Variants in NAT1 observed in about 807,000 individuals in gnomAD.
NAT1 encodes the protein arylamine N-acetyltransferase 1.
For missense variants in NAT1, 400 were observed against 339.2 expected (o/e 1.18, Z -1.41); for synonymous variants, 144 against 122.6 (o/e 1.17, Z -1.16).
At chr8:18,221,938 T>G in intron 2 of NAT1, 104 bp from the exon 3 acceptor site, 1 of 1,202,712 alleles carries the variant, frequency 8.3e-7, no homozygotes, top group Non-Finnish European at 1.2e-6. Context: ...ATTATACTTA[T>G]AACCATTGTA....
intron 2 of NAT1, among the ~76,000 whole-genome samples, chr8:18,202,567 T>C (rs1459051300): frequency 1.3e-5 from 2 of 152,158 alleles, no homozygotes. Flanking sequence ...CTGGAGTTTC[T>C]TCCTTCCAGT....
chr8:18,183,226 T>G (rs1048362524), intron 2 of NAT1, among the ~76,000 whole-genome samples: 7 of 152,138 alleles, frequency 4.6e-5, no homozygotes, highest in African/African-American at 1.7e-4. Flanking sequence ...AATCCATTCA[T>G]AAGTGCTCTG....
chr8:18,222,469 AG>A lies in NAT1; in HGVS notation c.424del (p.Asp142IlefsTer11). On this transcript the variant is annotated frameshift_variant, in exon 3 of 3. Transcript: ENST00000307719. LOFTEE classifies it low-confidence loss of function (END_TRUNC). ...MWQPLELISG[K>X]DQPQVPCVFR... The stretch of plus-strand genomic sequence containing the variant: ...CAGCCTCTGGAGTTAATTTCTGGGA[AG>A]GATCAGCCTCAGGTGCCTTGTGTCT... The A allele has an allele frequency of 6.2e-7, 1 of 1,614,114 alleles. No individual in the cohort carries two copies. Among genetic ancestry groups the A allele is most frequent in the Non-Finnish European group, 8.5e-7 (1 of 1,180,022 alleles).
chr8:18,178,824 T>C (rs1802391899), intron 2 of NAT1, among the ~76,000 whole-genome samples: 2 of 151,964 alleles, frequency 1.3e-5, no homozygotes, highest in South Asian at 4.2e-4. Context: ...CTCCATTCAG[T>C]TTCCTCTCTG....
At chr8:18,200,369 A>C (rs1265526174) in intron 2 of NAT1, among the ~76,000 whole-genome samples, 1 of 152,178 alleles carries the variant, frequency 6.6e-6, no homozygotes, top group East Asian at 1.9e-4. Flanking sequence ...AAAGAACAAG[A>C]TCATGTCCTT....
At chr8:18,204,505 T>A (rs1011756905) in intron 2 of NAT1, among the ~76,000 whole-genome samples, 12 of 152,250 alleles carry the variant, frequency 7.9e-5, no homozygotes, top group African/African-American at 2.9e-4. Flanking sequence ...ACTGAAACAT[T>A]ACTTATTAAA....
At chr8:18,178,951 C>G (rs1802398560) in intron 2 of NAT1, among the ~76,000 whole-genome samples, 1 of 152,186 alleles carries the variant, frequency 6.6e-6, no homozygotes, top group Admixed American at 6.6e-5. Context: ...CTCCTCCAAA[C>G]ACTACAAATC....
At chr8:18,201,664 T>A (rs573013488) in intron 2 of NAT1, among the ~76,000 whole-genome samples, 1 of 152,164 alleles carries the variant, frequency 6.6e-6, no homozygotes, top group South Asian at 2.1e-4. Context: ...CTGACTGGCA[T>A]TGGGTTGGCC....
intron 2 of NAT1, among the ~76,000 whole-genome samples, chr8:18,192,354 G>A (rs571336836): frequency 1.2e-4 from 19 of 152,296 alleles, no homozygotes; most frequent in African/African-American, 3.1e-4. Context: ...GTGCTGGAGC[G>A]GATGGGGAGA....
At chr8:18,212,196 A>G (rs1236450585) in intron 1 of NAT1, 1 of 152,218 alleles carries the variant, frequency 6.6e-6, no homozygotes, top group East Asian at 1.9e-4. Flanking sequence ...AGGGGTACCA[A>G]TCCAAGAATG....
chr8:18,204,234 C>T (rs543600623), intron 2 of NAT1, among the ~76,000 whole-genome samples: 1 of 152,222 alleles, frequency 6.6e-6, no homozygotes, highest in African/African-American at 2.4e-5. Flanking sequence ...AAACTTTCCA[C>T]TCCTTAACTC....
chr8:18,202,951 C>G (rs577061984), intron 2 of NAT1, among the ~76,000 whole-genome samples: 3 of 152,132 alleles, frequency 2.0e-5, no homozygotes, highest in Non-Finnish European at 4.4e-5. Flanking sequence ...TTATAGAGTA[C>G]TGATTGGTCG....
chr8:18,181,745 T>C (rs1043046589), intron 2 of NAT1, among the ~76,000 whole-genome samples: 1 of 152,158 alleles, frequency 6.6e-6, no homozygotes, highest in African/African-American at 2.4e-5. Context: ...TGTGAGATAT[T>C]TTCCTTCCAT....
intron 2 of NAT1, among the ~76,000 whole-genome samples, chr8:18,188,759 G>T (rs1169056608): frequency 1.3e-5 from 2 of 151,724 alleles, no homozygotes; most frequent in Non-Finnish European, 2.9e-5. Context: ...GCACCTGGGA[G>T]GCTGAGGCGG....
At chr8:18,180,684 G>A (rs1189566238) in intron 2 of NAT1, among the ~76,000 whole-genome samples, 1 of 152,048 alleles carries the variant, frequency 6.6e-6, no homozygotes, top group East Asian at 1.9e-4. Context: ...GAAATAATAA[G>A]TGCATGAGGT....
intron 2 of NAT1, among the ~76,000 whole-genome samples, chr8:18,200,259 C>G (rs1190502746): frequency 6.6e-6 from 1 of 152,036 alleles, no homozygotes; most frequent in African/African-American, 2.4e-5. Flanking sequence ...CATTGCAGCA[C>G]TATTCGCAAT....
At chr8:18,209,578 T>C (rs1484596471), upstream of NAT1, among the ~76,000 whole-genome samples, 1 of 152,170 alleles carries the variant, frequency 6.6e-6, no homozygotes, top group Admixed American at 6.5e-5. Flanking sequence ...CCATATGACA[T>C]ATATCACCCT....
upstream of NAT1, among the ~76,000 whole-genome samples, chr8:18,205,159 C>T (rs1002692886): frequency 2.6e-5 from 4 of 152,202 alleles, no homozygotes; most frequent in East Asian, 1.9e-4. Context: ...CTTGCTCACA[C>T]GTGCCAGCAG....
upstream of NAT1, among the ~76,000 whole-genome samples, chr8:18,205,310 T>C (rs75697685): frequency 1.2e-3 from 186 of 152,244 alleles, no homozygotes; most frequent in African/African-American, 4.4e-3. Context: ...AGAAGCCTGA[T>C]TGCAATTGTG....
Sources: gnomAD v4.1 joint callset for allele counts (sites outside exome capture counted in the v4.1 genomes callset) on GRCh38, gnomAD v4.1.1 for gene constraint, MANE v1.5 for transcripts, NCBI Gene and HGNC (gene_info 2026-07-23, HGNC 2026-07-21) for gene names.